Variants in DTX2 observed in about 807,000 individuals in gnomAD.
DTX2 encodes the protein deltex E3 ubiquitin ligase 2.
DTX2 carries 29 observed loss-of-function variants against 55.3 expected under a neutral mutation model. The observed-to-expected ratio is 0.52, with a 90% CI of 0.39 to 0.71. The LOEUF (loss-of-function observed/expected upper bound fraction) is 0.71, where lower values mean the gene tolerates loss of function less well. Among genes scored for constraint, DTX2 ranks in the 30% least tolerant of loss-of-function variants. The pLI, the probability that DTX2 is intolerant of heterozygous loss-of-function variation, is 0.00. For missense variants in DTX2, 537 were observed against 822.5 expected (o/e 0.65, Z 4.25); for synonymous variants, 276 against 340.4 (o/e 0.81, Z 2.08).
chr7:76,491,269 T>G (rs1221880164), intron 4 of DTX2, among the ~76,000 whole-genome samples: 2 of 150,732 alleles, frequency 1.3e-5, no homozygotes, highest in African/African-American at 4.9e-5. Context: ...GTGCTGAGAT[T>G]ATAGGCGTGA....
rs1563735451 is a variant in DTX2, at chr7:76,482,425, T to C, written c.269-83T>C. 3 of 1,379,858 alleles carry C rather than the reference T, an allele frequency of 2.2e-6. No homozygotes were observed. In the Admixed American group the frequency reaches 6.8e-5, roughly 31 times the overall value. 85.5% of individuals were successfully genotyped at this position (1,379,858 alleles called of 1,614,324 possible). Reference sequence around the variant, plus strand: ...CCTACTGTGTTCCTATTTGTTTATTTTGGCGGTTGAAAAAAGAATTTGAAC... The same window carrying C: ...CCTACTGTGTTCCTATTTGTTTATTCTGGCGGTTGAAAAAAGAATTTGAAC... On this transcript the variant is annotated intron_variant, in intron 3 of 10. Coordinates refer to ENST00000430490, the MANE Select transcript of DTX2 (RefSeq NM_001102594.3).
intron 4 of DTX2, among the ~76,000 whole-genome samples, chr7:76,483,794 C>T (rs1809596276): frequency 6.6e-6 from 1 of 150,626 alleles, no homozygotes; most frequent in South Asian, 2.1e-4. Flanking sequence ...AGGCTGACAC[C>T]TTTAATCCCA....
chr7:76,468,448 ATTTTTTTTTTTT>A (rs1202957368), intron 2 of DTX2, among the ~76,000 whole-genome samples: 5 of 37,032 alleles, frequency 1.4e-4, no homozygotes, highest in African/African-American at 3.8e-4. Context: ...GCCCACTGCC[ATTTTTTTTTTTT>A]TTTTTTTTTT....
rs192219767 is a variant in DTX2 at position 76,471,258 on chromosome 7, T to C, written c.-90+7549T>C. ...CTCACTGCAAACTCCACTTCCTGGGTTCACGCCATTCTCCTGCCTCAGCCT... is the reference window on the plus strand; with the variant it reads ...CTCACTGCAAACTCCACTTCCTGGGCTCACGCCATTCTCCTGCCTCAGCCT... On this transcript the variant is annotated intron_variant, in intron 2 of 10. Transcript: ENST00000430490. Among the ~76,000 whole-genome samples, 853 of 138,560 alleles carry C rather than the reference T, an allele frequency of 6.2e-3. 2 individuals are homozygous for C. The highest frequency in any genetic ancestry group is 0.022 in the African/African-American group (818 of 36,756). The allele number at this position is 138,560 out of a possible 152,430, so 90.9% of individuals were successfully genotyped here.
chr7:76,498,649 T>G (rs1459904801), intron 6 of DTX2, among the ~76,000 whole-genome samples: 1 of 123,808 alleles, frequency 8.1e-6, no homozygotes, highest in Non-Finnish European at 1.6e-5. Context: ...GGCTCTGGAG[T>G]TGGCAGGCTT....
intron 2 of DTX2, among the ~76,000 whole-genome samples, chr7:76,466,836 G>T (rs142622941): frequency 0.037 from 5,605 of 152,040 alleles, 147 homozygotes; most frequent in African/African-American, 0.12. Flanking sequence ...GACCTCAGGT[G>T]ATCCACCTGC....
intron 4 of DTX2, chr7:76,491,873 C>T: frequency 2.6e-6 from 1 of 379,836 alleles, no homozygotes; most frequent in East Asian, 6.7e-5. Flanking sequence ...TGGAGTCTCA[C>T]TATGTTGCCC....
At chr7:76,498,452 G>A (rs1563752071) in intron 6 of DTX2, among the ~76,000 whole-genome samples, 3 of 151,014 alleles carry the variant, frequency 2.0e-5, no homozygotes, top group African/African-American at 7.3e-5. Flanking sequence ...TGTGGCACTC[G>A]GGTTTACCTG....
chr7:76,480,999 A>G (rs1310889043), intron 3 of DTX2, among the ~76,000 whole-genome samples: 1 of 152,182 alleles, frequency 6.6e-6, no homozygotes, highest in Non-Finnish European at 1.5e-5. Flanking sequence ...CTTGTCTTGC[A>G]AAGCAGAAAT....
At chr7:76,477,802 AAAT>A (rs1808712850) in intron 2 of DTX2, among the ~76,000 whole-genome samples, 2 of 66,618 alleles carry the variant, frequency 3.0e-5, no homozygotes, top group African/African-American at 1.7e-4. Flanking sequence ...CTCGGACTCT[AAAT>A]AAATAAATAA....
At chr7:76,468,020 G>A (rs1392526641) in intron 2 of DTX2, among the ~76,000 whole-genome samples, 1 of 152,292 alleles carries the variant, frequency 6.6e-6, no homozygotes, top group East Asian at 1.9e-4. Context: ...CTGTATGCAA[G>A]GGAATATTGA....
In DTX2 at chr7:76,505,359, C is replaced by T. The variant is rs374855456; in HGVS notation, c.1642-15C>T. The T allele has an allele frequency of 7.1e-6, 11 of 1,557,768 alleles. 1 individual carries two copies. In the South Asian group the frequency reaches 8.3e-5, roughly 12 times the overall value. ...CGTCCCCTCCTTCCTCTTCCCCCTC[C>T]TCCTCCCCGGGCAGGTCCTAGAGCT... is the stretch of plus-strand genomic sequence containing the variant. On this transcript the variant is annotated splice_polypyrimidine_tract_variant and intron_variant, in intron 10 of 10. Coordinates refer to ENST00000430490, the MANE Select transcript of DTX2 (RefSeq NM_001102594.3). The surrounding 1 kb of genome is among the most constrained non-coding windows in gnomAD (Gnocchi z 4.4).
intron 2 of DTX2, chr7:76,476,844 A>T (rs1466391930): frequency 6.6e-6 from 1 of 151,146 alleles, no homozygotes; most frequent in Non-Finnish European, 1.5e-5. Flanking sequence ...TGGAGTCTCC[A>T]GTACCCTCCT....
intron 1 of DTX2, 50 bp downstream of exon 1, chr7:76,461,886 G>GGGCGCGGGGT (rs1231506991): frequency 2.6e-5 from 4 of 154,042 alleles, no homozygotes; most frequent in South Asian, 4.1e-4. Context: ...GCGGTCCCAG[G>GGGCGCGGGGT]GGCGCGGGGT....
chr7:76,472,924 T>C (rs1217038172), intron 2 of DTX2, among the ~76,000 whole-genome samples: 1 of 152,266 alleles, frequency 6.6e-6, no homozygotes, highest in South Asian at 2.1e-4. Flanking sequence ...GTTAGAGTCT[T>C]AATTATTGGA....
intron 2 of DTX2, among the ~76,000 whole-genome samples, chr7:76,468,758 A>ATTTTTTTTTTTTTTTTTTTTT (rs3972784): frequency 7.4e-5 from 2 of 27,030 alleles, no homozygotes; most frequent in African/African-American, 2.1e-4. Flanking sequence ...CACGCCCAGC[A>ATTTTTTTTTTTTTTTTTTTTT]TTTTTTTTTT....
chr7:76,500,775 G>A (rs2116594752), intron 7 of DTX2, among the ~76,000 whole-genome samples: 1 of 151,898 alleles, frequency 6.6e-6, no homozygotes, highest in East Asian at 2.0e-4. Flanking sequence ...TAGCCTGATG[G>A]CCATCCTGGG....
rs529477895 is a variant in DTX2 at position 76,505,610 on chromosome 7, C to T, written c.*9C>T. 27 of 1,506,068 alleles carry T rather than the reference C, an allele frequency of 1.8e-5. No individual in the cohort carries two copies. The African/African-American group carries it at 3.3e-4, about 18-fold the overall frequency. 93.3% of individuals were successfully genotyped at this position (1,506,068 alleles called of 1,614,324 possible). A position where few individuals can be genotyped will look rare whatever the true frequency, so the allele number is the denominator to read the frequency against. On this transcript the variant is annotated 3_prime_UTR_variant, in exon 11 of 11. Coordinates refer to ENST00000430490, the MANE Select transcript of DTX2 (RefSeq NM_001102594.3). The surrounding 1 kb of genome is among the most constrained non-coding windows in gnomAD (Gnocchi z 4.4). ...GCCTGGAGCAGCAGTGACCTCGCAC[C>T]CCAGCACGCCCGCCTCTGGTGGCCA... is the stretch of plus-strand genomic sequence containing the variant.
chr7:76,468,868 T>C (rs1807519147), intron 2 of DTX2, among the ~76,000 whole-genome samples: 1 of 137,828 alleles, frequency 7.3e-6, no homozygotes, highest in African/African-American at 2.9e-5. Context: ...GTTCAAGTGA[T>C]TCTCCTGCCC....
Sources: gnomAD v4.1 joint callset for allele counts (sites outside exome capture counted in the v4.1 genomes callset) on GRCh38, gnomAD v4.1.1 for gene constraint, Gnocchi (gnomAD v3.1) non-coding constraint, MANE v1.5 for transcripts, NCBI Gene and HGNC (gene_info 2026-07-23, HGNC 2026-07-21) for gene names.